The following MCCC2 variants were observed in gnomAD, a reference collection of about 807,000 sequenced individuals.
The protein encoded by MCCC2 is methylcrotonoyl-CoA carboxylase beta chain, mitochondrial.
In MCCC2, 52 loss-of-function variants were observed where a neutral mutation model predicts 77.2. The observed-to-expected ratio is 0.67, with a 90% CI of 0.54 to 0.85. The LOEUF is 0.85. Among genes scored for constraint, MCCC2 ranks in the 40% least tolerant of loss-of-function variants. The pLI is 0.00. For missense variants in MCCC2, 682 were observed against 703.2 expected (o/e 0.97, Z 0.34); for synonymous variants, 253 against 248.4 (o/e 1.02, Z -0.18).
chr5:71,625,481 A>G (rs961617268), intron 6 of MCCC2, among the ~76,000 whole-genome samples: 4 of 152,234 alleles, frequency 2.6e-5, no homozygotes, highest in Admixed American at 2.6e-4. Context: ...CTCATTTAAA[A>G]GTTTATTTAT....
At chr5:71,611,253 T>C (rs1380118191) in intron 6 of MCCC2, among the ~76,000 whole-genome samples, 1 of 151,890 alleles carries the variant, frequency 6.6e-6, no homozygotes, top group African/African-American at 2.4e-5. Context: ...AATAAAAAAT[T>C]AGCCGAGTGT....
At chr5:71,601,682 T>A (rs1745440636) in intron 4 of MCCC2, among the ~76,000 whole-genome samples, 1 of 152,200 alleles carries the variant, frequency 6.6e-6, no homozygotes, top group South Asian at 2.1e-4. Flanking sequence ...TCTTTAGAGT[T>A]GTAGGCAGCA....
At chr5:71,618,103 C>T (rs906274617) in intron 6 of MCCC2, among the ~76,000 whole-genome samples, 3 of 152,122 alleles carry the variant, frequency 2.0e-5, no homozygotes, top group African/African-American at 7.2e-5. Context: ...TGGGCCTTCT[C>T]CATATCTGAG....
chr5:71,590,441 C>T (rs925108734), intron 1 of MCCC2, among the ~76,000 whole-genome samples: 4 of 152,158 alleles, frequency 2.6e-5, no homozygotes, highest in Non-Finnish European at 5.9e-5. Context: ...CTTAAAAGTA[C>T]GTTGTTTAAT....
Position 71,635,244 on chromosome 5 carries a change from GA to G in MCCC2, c.998del (p.Glu333GlyfsTer23). 1 of 1,613,868 alleles carries G rather than the reference GA, an allele frequency of 6.2e-7. No individual in the cohort carries two copies. Among genetic ancestry groups the G allele is most frequent in the South Asian group, 1.1e-5 (1 of 91,074 alleles). On this transcript the variant is annotated frameshift_variant and splice_region_variant, in exon 10 of 17. Coordinates refer to ENST00000340941, the MANE Select transcript of MCCC2 (RefSeq NM_022132.5). LOFTEE classifies it high-confidence loss of function. ...CCTTAAGAGGAGCTTTGATGTCCGAGAGGTATGTGAAAGTGGAACTGTGAGC... is the reference window on the plus strand; with the variant it reads ...CCTTAAGAGGAGCTTTGATGTCCGAGGGTATGTGAAAGTGGAACTGTGAGC... ...ANLKRSFDVR[E>X]VIARIVDGSR...
intron 6 of MCCC2, 51 bp from the exon 7 acceptor site, chr5:71,626,589 A>C (rs1746532530): frequency 7.2e-7 from 1 of 1,388,100 alleles, no homozygotes; most frequent in African/African-American, 1.4e-5. Context: ...ACACTATAGA[A>C]GTCACTGCAT....
intron 6 of MCCC2, among the ~76,000 whole-genome samples, chr5:71,612,807 C>T (rs1356002958): frequency 2.0e-5 from 3 of 152,208 alleles, no homozygotes; most frequent in African/African-American, 7.2e-5. Context: ...GTCTTGAACT[C>T]CTGGCCTCAG....
At chr5:71,644,076 CGT>C (rs1747214059) in intron 12 of MCCC2, among the ~76,000 whole-genome samples, 181 bp downstream of exon 12, 1 of 58,050 alleles carries the variant, frequency 1.7e-5, no homozygotes, top group South Asian at 7.8e-4. Context: ...TGTGTGCGCG[CGT>C]GTGTATATAT....
chr5:71,648,965 A>T lies in MCCC2; in HGVS notation c.1217-132A>T, dbSNP rs189835868. 46 of 1,044,338 alleles carry T rather than the reference A, an allele frequency of 4.4e-5. No individual in the cohort carries two copies. In the African/African-American group the frequency reaches 5.8e-4, roughly 13 times the overall value. The allele number at this position is 1,044,338 out of a possible 1,614,324, so 64.7% of individuals were successfully genotyped here. ...CAAACTTTTTAACGGTATGTTTCAC[A>T]TATAAACATTTTCTTAAGGCGAGAG... On this transcript the variant is annotated intron_variant, in intron 13 of 16. Transcript: ENST00000340941.
At chr5:71,592,464 A>T (rs941360598) in intron 1 of MCCC2, among the ~76,000 whole-genome samples, 7 of 152,186 alleles carry the variant, frequency 4.6e-5, no homozygotes, top group Non-Finnish European at 1.0e-4. Flanking sequence ...CTTTGTCAGT[A>T]AGCAAGCATT....
chr5:71,656,561 T>C (rs1214196070), intron 16 of MCCC2, among the ~76,000 whole-genome samples, 182 bp from the exon 17 acceptor site: 1 of 152,236 alleles, frequency 6.6e-6, no homozygotes, highest in East Asian at 1.9e-4. Flanking sequence ...ATATCATTTT[T>C]TTCCACGTTT....
chr5:71,654,572 A>AT (rs1326744445), intron 16 of MCCC2, among the ~76,000 whole-genome samples: 2 of 151,962 alleles, frequency 1.3e-5, no homozygotes, highest in African/African-American at 4.8e-5. Flanking sequence ...TTTTTTCCAC[A>AT]TAAGATTTTG....
intron 7 of MCCC2, among the ~76,000 whole-genome samples, chr5:71,631,762 G>A (rs1465172308): frequency 2.6e-5 from 4 of 151,822 alleles, no homozygotes; most frequent in African/African-American, 4.8e-5. Context: ...GCATGGTCTC[G>A]ATCTCCTGAC....
Position 71,600,145 on chromosome 5 carries a change from C to T in MCCC2, c.383+385C>T, listed in dbSNP as rs138369121. Among the ~76,000 whole-genome samples the T allele has an allele frequency of 3.7e-4, 56 of 151,640 alleles. 1 individual carries two copies. Among genetic ancestry groups the T allele is most frequent in the African/African-American group, 1.2e-3 (50 of 41,328 alleles). On this transcript the variant is annotated intron_variant, in intron 4 of 16. Transcript: ENST00000340941. ...GAGCCACTGCACTCCATCCTGGTGA[C>T]AGAGCAAGACTCCGTCTCAAAAAAA... is the stretch of plus-strand genomic sequence containing the variant.
chr5:71,596,632 G>A (rs907958921), intron 3 of MCCC2, among the ~76,000 whole-genome samples: 2 of 152,140 alleles, frequency 1.3e-5, no homozygotes, highest in Admixed American at 1.3e-4. Flanking sequence ...AAGGGAGACA[G>A]AAAGCAACAG....
At position 71,641,349 on chromosome 5, in the gene MCCC2, A is replaced by G. The variant is rs1747117322; in HGVS notation, c.1072+274A>G. 1.3e-5 allele frequency: 5 copies of G among 396,658 alleles called. No homozygotes were observed. The South Asian group carries it at 1.4e-4, about 11-fold the overall frequency. The allele number at this position is 396,658 out of a possible 1,614,324, so 24.6% of individuals were successfully genotyped here. On this transcript the variant is annotated intron_variant, in intron 11 of 16. Coordinates refer to ENST00000340941, the MANE Select transcript of MCCC2 (RefSeq NM_022132.5). ...ATTAGTTGTATAAAAAGGTTCTTATAGTAAAATTAGTAGAAAATACTTGTA... is the reference window on the plus strand; with the variant it reads ...ATTAGTTGTATAAAAAGGTTCTTATGGTAAAATTAGTAGAAAATACTTGTA...
chr5:71,610,756 G>T (rs561292597), intron 6 of MCCC2, among the ~76,000 whole-genome samples: 1 of 152,200 alleles, frequency 6.6e-6, no homozygotes, highest in Non-Finnish European at 1.5e-5. Flanking sequence ...GGAGGCCGAG[G>T]TGGGGGGATC....
intron 12 of MCCC2, among the ~76,000 whole-genome samples, chr5:71,645,619 T>A (rs1406196219): frequency 6.6e-6 from 1 of 152,224 alleles, no homozygotes; most frequent in Non-Finnish European, 1.5e-5. Context: ...TATTCTGGCT[T>A]TTCTAAAGTG....
chr5:71,628,329 C>G (rs1255708185), intron 7 of MCCC2, among the ~76,000 whole-genome samples: 2 of 152,166 alleles, frequency 1.3e-5, no homozygotes, highest in Non-Finnish European at 2.9e-5. Context: ...TGTAGGTTGT[C>G]TTTTTTACTT....
Sources: allele counts gnomAD v4.1 joint callset (sites outside exome capture counted in the v4.1 genomes callset), GRCh38; gene constraint gnomAD v4.1.1; transcripts MANE v1.5; gene names NCBI Gene and HGNC (gene_info 2026-07-23, HGNC 2026-07-21).